IGSF21: variants seen among roughly 807,000 people sequenced by gnomAD.
The protein encoded by IGSF21 is immunoglobin superfamily member 21.
A neutral mutation model predicts 46.8 loss-of-function variants in IGSF21; 28 were observed. That is an observed-to-expected ratio of 0.60 (90% CI 0.44 to 0.82). The LOEUF (loss-of-function observed/expected upper bound fraction) is 0.82. Among genes scored for constraint, IGSF21 ranks in the 40% least tolerant of loss-of-function variants. The probability of loss-of-function intolerance (pLI) is 0.00; values close to 1 mark genes in which losing one functional copy is unlikely to be tolerated. For missense variants in IGSF21, 624 were observed against 665.5 expected (o/e 0.94, Z 0.69); for synonymous variants, 284 against 273.6 (o/e 1.04, Z -0.38).
intron 2 of IGSF21, among the ~76,000 whole-genome samples, chr1:18,271,987 C>G (rs942767659): frequency 2.2e-4 from 34 of 152,254 alleles, no homozygotes; most frequent in Admixed American, 1.1e-3. Context: ...CATTTTCATG[C>G]TGCCGATAAA....
chr1:18,338,833 G>A (rs1206345081), intron 4 of IGSF21, among the ~76,000 whole-genome samples: 1 of 151,852 alleles, frequency 6.6e-6, no homozygotes, highest in Non-Finnish European at 1.5e-5. Context: ...TGCGTGCTGG[G>A]CCCCAGGAAC....
intron 1 of IGSF21, among the ~76,000 whole-genome samples, chr1:18,192,839 G>A (rs1001243970): frequency 3.3e-5 from 5 of 152,096 alleles, no homozygotes; most frequent in Non-Finnish European, 5.9e-5. Context: ...GAAAATAAAC[G>A]TGAATATCCT....
chr1:18,244,342 C>T (rs953911829), intron 2 of IGSF21, among the ~76,000 whole-genome samples: 2 of 152,222 alleles, frequency 1.3e-5, no homozygotes, highest in African/African-American at 4.8e-5. Context: ...CCTCCCTCTC[C>T]CTTTCCAGCA....
chr1:18,173,610 T>C (rs1240746907), intron 1 of IGSF21, among the ~76,000 whole-genome samples: 4 of 152,274 alleles, frequency 2.6e-5, no homozygotes, highest in Non-Finnish European at 5.9e-5. Flanking sequence ...TCACTTGGCA[T>C]GATGCTTTGG....
At chr1:18,357,183 T>G (rs1569867965) in intron 4 of IGSF21, among the ~76,000 whole-genome samples, 2 of 97,098 alleles carry the variant, frequency 2.1e-5, no homozygotes, top group Admixed American at 1.3e-4. Context: ...GGGGAAGAGA[T>G]GGAGATGGAG....
chr1:18,282,887 C>T (rs2085176098), intron 2 of IGSF21, among the ~76,000 whole-genome samples: 1 of 152,208 alleles, frequency 6.6e-6, no homozygotes. Context: ...TATTACTTTG[C>T]CTTTCACACA....
intron 2 of IGSF21, among the ~76,000 whole-genome samples, chr1:18,266,656 G>A (rs2084992317): frequency 6.6e-6 from 1 of 152,238 alleles, no homozygotes. Flanking sequence ...TGTCACTCAT[G>A]CATTGTCACC....
intron 2 of IGSF21, among the ~76,000 whole-genome samples, chr1:18,260,476 C>T (rs1005732085): frequency 6.6e-6 from 1 of 152,240 alleles, no homozygotes; most frequent in African/African-American, 2.4e-5. Context: ...TGAGGGAATG[C>T]TCCTTGCAGA....
chr1:18,190,215 C>T (rs2086942002), intron 1 of IGSF21, among the ~76,000 whole-genome samples: 1 of 152,236 alleles, frequency 6.6e-6, no homozygotes, highest in African/African-American at 2.4e-5. Context: ...GTCTCAGCTT[C>T]AGAGCTCCCA....
At chr1:18,248,648 C>T (rs1365141528) in intron 2 of IGSF21, among the ~76,000 whole-genome samples, 6 of 152,262 alleles carry the variant, frequency 3.9e-5, no homozygotes, top group South Asian at 2.1e-4. Context: ...GTCCACATGG[C>T]GAGTTCTCCG....
chr1:18,204,186 C>T (rs1469617588), intron 1 of IGSF21, among the ~76,000 whole-genome samples: 1 of 152,174 alleles, frequency 6.6e-6, no homozygotes, highest in Non-Finnish European at 1.5e-5. Flanking sequence ...GCTCCTCTGA[C>T]CCCATAACAT....
intron 2 of IGSF21, among the ~76,000 whole-genome samples, chr1:18,261,814 G>A (rs897849600): frequency 1.3e-5 from 2 of 152,180 alleles, no homozygotes; most frequent in Admixed American, 6.5e-5. Context: ...GAAGCCCCCC[G>A]ACCCCTCAGA....
chr1:18,152,707 C>T (rs2086531824), intron 1 of IGSF21, among the ~76,000 whole-genome samples: 1 of 152,090 alleles, frequency 6.6e-6, no homozygotes, highest in South Asian at 2.1e-4. Flanking sequence ...CATGGAGGGA[C>T]CATGAAGTTT....
chr1:18,152,688 G>T (rs1258049346), intron 1 of IGSF21, among the ~76,000 whole-genome samples: 2 of 152,104 alleles, frequency 1.3e-5, no homozygotes, highest in Non-Finnish European at 2.9e-5. Flanking sequence ...ATGGAGCTTG[G>T]TCTCTGGCCA....
At chr1:18,211,565 T>C (rs1446403239) in intron 1 of IGSF21, among the ~76,000 whole-genome samples, 1 of 152,262 alleles carries the variant, frequency 6.6e-6, no homozygotes, top group East Asian at 1.9e-4. Context: ...TCCTTTATTC[T>C]GCTTTTAGCT....
At chr1:18,375,347 G>A (rs563914488) in intron 6 of IGSF21, among the ~76,000 whole-genome samples, 25 of 152,096 alleles carry the variant, frequency 1.6e-4, no homozygotes, top group Non-Finnish European at 2.4e-4. Flanking sequence ...GAGTGCTGGC[G>A]AGAAGGTCAG....
chr1:18,135,702 A>G (rs1185967108), intron 1 of IGSF21, among the ~76,000 whole-genome samples: 1 of 152,194 alleles, frequency 6.6e-6, no homozygotes, highest in Non-Finnish European at 1.5e-5. Flanking sequence ...TGCTATTGTG[A>G]ATAGTGCCGC....
chr1:18,348,282 T>G (rs2124617867), intron 4 of IGSF21, among the ~76,000 whole-genome samples: 1 of 152,336 alleles, frequency 6.6e-6, no homozygotes, highest in East Asian at 1.9e-4. Flanking sequence ...AAGGGATTCA[T>G]CTGCTTCTGG....
intron 1 of IGSF21, among the ~76,000 whole-genome samples, chr1:18,157,037 T>C (rs2086575207): frequency 6.6e-6 from 1 of 151,914 alleles, no homozygotes; most frequent in South Asian, 2.1e-4. Context: ...GGCAGGAGAA[T>C]TGCTTGAACC....
Sources: allele counts gnomAD v4.1 joint callset (sites outside exome capture counted in the v4.1 genomes callset), GRCh38; gene constraint gnomAD v4.1.1; transcripts MANE v1.5; gene names NCBI Gene and HGNC (gene_info 2026-07-23, HGNC 2026-07-21).